Variants in VRK1 observed in about 807,000 individuals in gnomAD.
VRK1 encodes the protein VRK serine/threonine kinase 1, also known as serine/threonine-protein kinase VRK1.
Under a neutral mutation model 57.1 loss-of-function variants are expected in VRK1, and 33 were observed. That is an observed-to-expected ratio of 0.58 (90% CI 0.44 to 0.77). The LOEUF is 0.77. VRK1 is among the 30% of genes least tolerant of loss of function. The probability of loss-of-function intolerance (pLI) is 0.00; values close to 1 mark genes in which losing one functional copy is unlikely to be tolerated. For missense variants in VRK1, 413 were observed against 477.3 expected, an observed-to-expected ratio of 0.87 and a Z score of 1.25; for synonymous variants, 137 against 147.8, an observed-to-expected ratio of 0.93 and a Z score of 0.53.
intron 1 of VRK1, among the ~76,000 whole-genome samples, chr14:96,813,848 C>T (rs1886296445): frequency 6.6e-6 from 1 of 152,122 alleles, no homozygotes; most frequent in Admixed American, 6.6e-5. Flanking sequence ...ACAAAAATTA[C>T]ACTTTCCTTG....
chr14:96,852,289 C>T (rs950190548), intron 5 of VRK1, among the ~76,000 whole-genome samples: 2 of 152,080 alleles, frequency 1.3e-5, no homozygotes, highest in Admixed American at 6.6e-5. Context: ...TTTGTTTTTC[C>T]CCAAATCTTG....
At chr14:96,845,468 A>G (rs1282869970) in intron 3 of VRK1, among the ~76,000 whole-genome samples, 1 of 152,246 alleles carries the variant, frequency 6.6e-6, no homozygotes, top group African/African-American at 2.4e-5. Context: ...AAATGAATGT[A>G]GTCCATAACA....
At chr14:96,831,693 C>G (rs976136611) in intron 1 of VRK1, among the ~76,000 whole-genome samples, 2 of 152,084 alleles carry the variant, frequency 1.3e-5, no homozygotes, top group Non-Finnish European at 2.9e-5. Context: ...AAAAGATTGT[C>G]CAGTCACTAT....
intron 11 of VRK1, among the ~76,000 whole-genome samples, chr14:96,861,649 A>G (rs923273848): frequency 1.3e-5 from 2 of 152,174 alleles, no homozygotes; most frequent in Admixed American, 6.5e-5. Flanking sequence ...TCAATTAACA[A>G]AGGAGATAGG....
At chr14:96,868,580 A>G (rs1284449957) in intron 11 of VRK1, among the ~76,000 whole-genome samples, 1 of 152,148 alleles carries the variant, frequency 6.6e-6, no homozygotes, top group Non-Finnish European at 1.5e-5. Context: ...ATGCACACAT[A>G]CTATTTTTTG....
At chr14:96,808,005 C>CTCTCCGTCTCTCTCTCTCTG (rs1341654444) in intron 1 of VRK1, among the ~76,000 whole-genome samples, 2 of 115,872 alleles carry the variant, frequency 1.7e-5, no homozygotes, top group Non-Finnish European at 3.5e-5. Flanking sequence ...CTCTCTCCCT[C>CTCTCCGTCTCTCTCTCTCTG]TCTCTCTCCC....
chr14:96,821,097 G>T (rs975697831), intron 1 of VRK1, among the ~76,000 whole-genome samples: 3 of 152,132 alleles, frequency 2.0e-5, no homozygotes, highest in Admixed American at 6.5e-5. Context: ...CTTGTTTGAA[G>T]TTGATACATA....
chr14:96,853,667 T>TA (rs1224079047), intron 7 of VRK1, among the ~76,000 whole-genome samples: 1 of 152,142 alleles, frequency 6.6e-6, no homozygotes, highest in Admixed American at 6.5e-5. Flanking sequence ...TTTAGCTTAT[T>TA]ACATTCCCTT....
chr14:96,854,203 T>C (rs1181490615), intron 7 of VRK1, among the ~76,000 whole-genome samples: 2 of 152,158 alleles, frequency 1.3e-5, no homozygotes, highest in Non-Finnish European at 2.9e-5. Flanking sequence ...ATTTCTAGGC[T>C]AAGAACAAAG....
chr14:96,853,040 C>T (rs774930914), intron 6 of VRK1, 34 bp from the exon 7 acceptor site: 70 of 1,609,140 alleles, frequency 4.4e-5, no homozygotes, highest in Non-Finnish European at 5.4e-5. Context: ...GTGTTAGGTA[C>T]TGCATTAACT....
At chr14:96,867,198 G>A (rs1025502954) in intron 11 of VRK1, among the ~76,000 whole-genome samples, 3 of 152,076 alleles carry the variant, frequency 2.0e-5, no homozygotes, top group African/African-American at 7.2e-5. Flanking sequence ...ATGTTTCAGA[G>A]TATATGCTCA....
chr14:96,846,294 A>C, intron 4 of VRK1, 130 bp downstream of exon 4: 5 of 886,846 alleles, frequency 5.6e-6, no homozygotes, highest in Non-Finnish European at 7.1e-6. Flanking sequence ...TTCCACTTAC[A>C]TGGGATTTGT....
At chr14:96,872,572 G>A (rs1888865841) in intron 11 of VRK1, among the ~76,000 whole-genome samples, 1 of 152,200 alleles carries the variant, frequency 6.6e-6, no homozygotes, top group Admixed American at 6.5e-5. Flanking sequence ...CCTACTGAAA[G>A]CTCACATAGG....
chr14:96,880,952 G>A (rs573674134), intron 12 of VRK1, among the ~76,000 whole-genome samples: 1 of 152,210 alleles, frequency 6.6e-6, no homozygotes, highest in East Asian at 1.9e-4. Context: ...GAGAAGGTAG[G>A]TTTTGTCAGC....
In VRK1 at chr14:96,860,703, A is replaced by G; in HGVS notation, c.1036A>G (p.Asn346Asp). 3.1e-6 allele frequency: 5 copies of G among 1,613,110 alleles called. No individual in the cohort carries two copies. Among genetic ancestry groups the G allele is most frequent in the Non-Finnish European group, 4.2e-6 (5 of 1,179,434 alleles). The change falls in exon 11 of 13, where the codon AAT (asparagine) becomes GAT (aspartate). Residue 346 changes from asparagine (N) to aspartate (D), a missense_variant. Asn to Asp is a conservative substitution (Grantham distance 23). Coordinates refer to ENST00000216639, the MANE Select transcript of VRK1 (RefSeq NM_003384.3). ...DGKLDLSVVE[N>D]GGLKAKTITK... ...CAAATTGGACCTCAGTGTTGTGGAG[A>G]ATGGAGGTTTGAAAGCAAAAACAAT...
rs140392651 is a variant in VRK1, at chr14:96,820,393, A to G, written c.-5-13074A>G. The stretch of plus-strand genomic sequence containing the variant: ...GGATCAGCATCGATGATTGCTCTCA[A>G]TTGATCGTTGTCAACTTCCAATGGC... On this transcript the variant is annotated intron_variant, in intron 1 of 12. Transcript: ENST00000216639. 1.3e-3 allele frequency among the ~76,000 whole-genome samples: 203 copies of G among 152,230 alleles called. 1 individual carries two copies. The highest frequency in any genetic ancestry group is 4.1e-3 in the African/African-American group (171 of 41,534).
chr14:96,845,143 G>T (rs1887629440), intron 3 of VRK1, among the ~76,000 whole-genome samples: 1 of 152,032 alleles, frequency 6.6e-6, no homozygotes, highest in African/African-American at 2.4e-5. Flanking sequence ...CTCCTAAAAA[G>T]AAAAGCAACC....
intron 11 of VRK1, among the ~76,000 whole-genome samples, chr14:96,864,888 TTGG>T (rs1001800294): frequency 6.6e-6 from 1 of 151,914 alleles, no homozygotes; most frequent in African/African-American, 2.4e-5. Flanking sequence ...TCCTTTTTTT[TTGG>T]TGAAGTACAT....
chr14:96,843,094 C>T (rs1202277821), intron 3 of VRK1, among the ~76,000 whole-genome samples: 1 of 152,152 alleles, frequency 6.6e-6, no homozygotes, highest in Non-Finnish European at 1.5e-5. Flanking sequence ...CTCACATGTA[C>T]CAAATGTTGG....
Sources: allele counts gnomAD v4.1 joint callset (sites outside exome capture counted in the v4.1 genomes callset), GRCh38; gene constraint gnomAD v4.1.1; transcripts MANE v1.5; gene names NCBI Gene and HGNC (gene_info 2026-07-23, HGNC 2026-07-21).